Variants in PRKN observed in about 807,000 individuals in gnomAD.
PRKN encodes parkin RBR E3 ubiquitin protein ligase.
Under a neutral mutation model 59.5 loss-of-function variants are expected in PRKN, and 56 were observed. That is an observed-to-expected ratio of 0.94 (90% CI 0.76 to 1.18). PRKN has a LOEUF of 1.18. Ranked by LOEUF, PRKN falls within the 50% of genes most tolerant of loss-of-function variation. The probability of loss-of-function intolerance (pLI) is 0.00; values close to 1 mark genes in which losing one functional copy is unlikely to be tolerated. For synonymous variants in PRKN, 250 were observed against 222.1 expected (o/e 1.13, Z -1.12); for missense variants, 657 against 596.4 (o/e 1.10, Z -1.06).
At chr6:162,479,392 A>AT (rs911587636) in intron 1 of PRKN, among the ~76,000 whole-genome samples, 4 of 151,604 alleles carry the variant, frequency 2.6e-5, no homozygotes, top group East Asian at 3.9e-4. Context: ...TCCCCAGCTA[A>AT]TTTTTTTTGT....
rs1161221953 is a variant in PRKN at position 161,417,988 on chromosome 6, C to T, written c.1084-31111G>A. 2.6e-5 allele frequency among the ~76,000 whole-genome samples: 4 copies of T among 152,190 alleles called. No homozygotes were observed. The highest frequency in any genetic ancestry group is 5.9e-5 in the Non-Finnish European group (4 of 68,048). ...CACGCTCCCTCCTGGGCCTGGCCCC[C>T]AGGCCTGGCTGACTCCATGGGGGGC... On this transcript the variant is annotated intron_variant, in intron 9 of 11. Coordinates refer to ENST00000366898, the MANE Select transcript of PRKN (RefSeq NM_004562.3). The surrounding 1 kb of genome is among the most constrained non-coding windows in gnomAD (Gnocchi z 5.4).
chr6:161,607,308 T>G (rs780279085), intron 7 of PRKN, among the ~76,000 whole-genome samples: 1 of 152,036 alleles, frequency 6.6e-6, no homozygotes, highest in African/African-American at 2.4e-5. Context: ...AAAAAAAGTA[T>G]GAATGAAAAG....
intron 2 of PRKN, among the ~76,000 whole-genome samples, chr6:162,287,099 T>C (rs565246821): frequency 4.9e-4 from 74 of 152,280 alleles, no homozygotes; most frequent in Non-Finnish European, 9.9e-4. Flanking sequence ...TCCCATCTAA[T>C]GGTACAGATG....
rs970759854 is a variant in PRKN at position 161,975,301 on chromosome 6, C to T, written c.619-1884G>A. Among the ~76,000 whole-genome samples the T allele has an allele frequency of 2.0e-5, 3 of 152,082 alleles. No homozygotes were observed. In the East Asian group the frequency reaches 5.8e-4, roughly 30 times the overall value. ...GTTTCACCATTTTAGTCAGGATGGT[C>T]CTGATCTCCTGACCTCGTGATCTGC... On this transcript the variant is annotated intron_variant, in intron 5 of 11. Coordinates refer to ENST00000366898, the MANE Select transcript of PRKN (RefSeq NM_004562.3).
intron 7 of PRKN, among the ~76,000 whole-genome samples, chr6:161,680,740 TATATATATATATATATATATATATA>T (rs1562603458): frequency 3.5e-4 from 2 of 5,702 alleles, no homozygotes; most frequent in African/African-American, 8.1e-4. Flanking sequence ...TATATATATA[TATATATATATATATATATATATATA>T]TATATATATA....
At chr6:161,855,950 G>T (rs535188334) in intron 6 of PRKN, among the ~76,000 whole-genome samples, 12 of 152,308 alleles carry the variant, frequency 7.9e-5, no homozygotes, top group African/African-American at 2.9e-4. Context: ...ATCTATGTAT[G>T]TAGTTCATCA....
chr6:162,156,801 GCAGA>G (rs1430571523), intron 4 of PRKN, among the ~76,000 whole-genome samples: 1 of 152,066 alleles, frequency 6.6e-6, no homozygotes, highest in Non-Finnish European at 1.5e-5. Context: ...CCCTTGATTA[GCAGA>G]CAATGTTCTC....
chr6:161,789,488 C>T (rs942157143), intron 6 of PRKN, among the ~76,000 whole-genome samples: 1 of 152,176 alleles, frequency 6.6e-6, no homozygotes, highest in Non-Finnish European at 1.5e-5. Context: ...TCTAGTCTCA[C>T]GGTAATACTC....
intron 1 of PRKN, among the ~76,000 whole-genome samples, chr6:162,686,043 C>T (rs572983339): frequency 1.3e-5 from 2 of 152,006 alleles, no homozygotes; most frequent in African/African-American, 2.4e-5. Context: ...TCCTTTCAAG[C>T]CTTTTAAGCA....
chr6:161,775,668 T>C (rs1407165042), intron 7 of PRKN, among the ~76,000 whole-genome samples: 1 of 152,232 alleles, frequency 6.6e-6, no homozygotes, highest in Non-Finnish European at 1.5e-5. Context: ...TTAGGAGTTA[T>C]ATTAACATGA....
At position 162,692,045 on chromosome 6, in the gene PRKN, T is replaced by C. The variant is rs562925890; in HGVS notation, c.7+35617A>G. On this transcript the variant is annotated intron_variant, in intron 1 of 11. Coordinates refer to ENST00000366898, the MANE Select transcript of PRKN (RefSeq NM_004562.3). ...GCTCTTTAGTTTAATTAGATCCCAT[T>C]TGTCAATTTTGTCTTTTGTTGCCAT... 9.3e-4 allele frequency among the ~76,000 whole-genome samples: 142 copies of C among 152,278 alleles called. 1 individual carries two copies. Among genetic ancestry groups the C allele is most frequent in the Non-Finnish European group, 1.8e-3 (121 of 68,026 alleles).
At chr6:161,759,067 C>T (rs1789076148) in intron 7 of PRKN, among the ~76,000 whole-genome samples, 2 of 151,988 alleles carry the variant, frequency 1.3e-5, no homozygotes, top group Non-Finnish European at 2.9e-5. Context: ...GTCCCAGCTA[C>T]TCAGGAGGCT....
At chr6:162,171,973 T>A (rs1410591684) in intron 4 of PRKN, among the ~76,000 whole-genome samples, 1 of 152,188 alleles carries the variant, frequency 6.6e-6, no homozygotes, top group Admixed American at 6.5e-5. Flanking sequence ...GCTACTCTTC[T>A]AAGCATTTTA....
chr6:161,496,361 G>A (rs1217112306), intron 9 of PRKN, among the ~76,000 whole-genome samples: 1 of 152,230 alleles, frequency 6.6e-6, no homozygotes, highest in African/African-American at 2.4e-5. Context: ...GTCAAGGTAA[G>A]GTGTATTAGT....
chr6:162,481,051 G>A (rs1005891401), intron 1 of PRKN, among the ~76,000 whole-genome samples: 6 of 152,050 alleles, frequency 3.9e-5, no homozygotes, highest in African/African-American at 1.2e-4. Context: ...CCAAACTCCT[G>A]ACCTCAAGTG....
chr6:161,754,210 G>C (rs181955976), intron 7 of PRKN, among the ~76,000 whole-genome samples: 6 of 152,018 alleles, frequency 3.9e-5, no homozygotes, highest in Non-Finnish European at 7.4e-5. Flanking sequence ...AAGAGTAGGC[G>C]GGTGAGACAA....
chr6:162,436,334 T>G (rs1428253297), intron 2 of PRKN, among the ~76,000 whole-genome samples: 1 of 149,050 alleles, frequency 6.7e-6, no homozygotes, highest in East Asian at 2.0e-4. Context: ...GCAGATCATC[T>G]GTTTCCTTTT....
At chr6:161,860,162 A>G (rs1228334460) in intron 6 of PRKN, among the ~76,000 whole-genome samples, 1 of 152,212 alleles carries the variant, frequency 6.6e-6, no homozygotes, top group African/African-American at 2.4e-5. Context: ...AAAAAGTACT[A>G]AGTGGAAGTA....
intron 2 of PRKN, among the ~76,000 whole-genome samples, chr6:162,347,454 T>C (rs1187333926): frequency 6.6e-6 from 1 of 152,060 alleles, no homozygotes; most frequent in South Asian, 2.1e-4. Context: ...TGGGTTGACC[T>C]AGTTAAGTTT....
Sources: gnomAD v4.1 joint callset for allele counts (sites outside exome capture counted in the v4.1 genomes callset) on GRCh38, gnomAD v4.1.1 for gene constraint, Gnocchi (gnomAD v3.1) non-coding constraint, MANE v1.5 for transcripts, NCBI Gene and HGNC (gene_info 2026-07-23, HGNC 2026-07-21) for gene names.